The following PATJ variants were observed in gnomAD, a reference collection of about 807,000 sequenced individuals.
PATJ encodes the protein PATJ crumbs cell polarity complex component.
In PATJ, 190 loss-of-function variants were observed where a neutral mutation model predicts 224.9. The ratio of observed to expected loss-of-function variants is 0.84; its 90% CI spans 0.75 to 0.95. PATJ has a LOEUF of 0.95. PATJ is among the 40% of genes least tolerant of loss of function. The pLI is 0.00. For synonymous variants in PATJ, 769 were observed against 820.3 expected, an observed-to-expected ratio of 0.94 and a Z score of 1.07; for missense variants, 2,121 against 2,270.3, an observed-to-expected ratio of 0.93 and a Z score of 1.34.
chr1:61,878,978 G>A (rs1667729460), intron 21 of PATJ, among the ~76,000 whole-genome samples: 1 of 152,042 alleles, frequency 6.6e-6, no homozygotes, highest in South Asian at 2.1e-4. Flanking sequence ...TAGAGATGGG[G>A]TTTCACCATG....
chr1:62,152,111 A>G (rs543061403), intron 42 of PATJ, among the ~76,000 whole-genome samples: 25 of 152,308 alleles, frequency 1.6e-4, no homozygotes, highest in Admixed American at 1.6e-3. Flanking sequence ...GACAAGCACC[A>G]CACATGGTAC....
chr1:61,797,819 T>G (rs1195804259), intron 11 of PATJ, among the ~76,000 whole-genome samples: 1 of 152,222 alleles, frequency 6.6e-6, no homozygotes, highest in Non-Finnish European at 1.5e-5. Flanking sequence ...CTTTTTTTTT[T>G]TTTGAGACAG....
intron 33 of PATJ, among the ~76,000 whole-genome samples, chr1:62,093,800 G>A (rs148614917): frequency 4.5e-4 from 68 of 152,154 alleles, no homozygotes; most frequent in African/African-American, 1.6e-3. Flanking sequence ...CTTAAAATAA[G>A]TCTATATTTC....
intron 31 of PATJ, among the ~76,000 whole-genome samples, chr1:62,069,308 C>T (rs201310353): frequency 6.6e-6 from 1 of 152,148 alleles, no homozygotes; most frequent in Non-Finnish European, 1.5e-5. Flanking sequence ...AATTTAGCCT[C>T]TCTGTGCCGC....
chr1:61,908,010 T>C (rs1571228953), intron 24 of PATJ, among the ~76,000 whole-genome samples: 3 of 152,196 alleles, frequency 2.0e-5, no homozygotes, highest in African/African-American at 4.8e-5. Flanking sequence ...TAAAAGTCCA[T>C]AGATATTCCC....
intron 27 of PATJ, among the ~76,000 whole-genome samples, chr1:61,931,589 C>T (rs1174544672): frequency 6.6e-6 from 1 of 152,100 alleles, no homozygotes; most frequent in African/African-American, 2.4e-5. Flanking sequence ...CATGGCAAAA[C>T]CCATCCCTAC....
At chr1:61,825,789 A>G (rs1658145540) in intron 15 of PATJ, among the ~76,000 whole-genome samples, 1 of 152,186 alleles carries the variant, frequency 6.6e-6, no homozygotes, top group Admixed American at 6.5e-5. Flanking sequence ...AAAACCTGAA[A>G]AGTGACTTTC....
intron 41 of PATJ, among the ~76,000 whole-genome samples, chr1:62,145,105 G>T (rs1282300389): frequency 6.6e-6 from 1 of 152,018 alleles, no homozygotes; most frequent in Admixed American, 6.6e-5. Context: ...GCGAGCCACC[G>T]TGCACAGCCT....
At chr1:61,965,499 A>C (rs1018488671) in intron 27 of PATJ, among the ~76,000 whole-genome samples, 3 of 152,198 alleles carry the variant, frequency 2.0e-5, no homozygotes, top group Admixed American at 2.0e-4. Context: ...TTTAGTGAAC[A>C]AAATGGTTCT....
At chr1:62,102,635 T>A (rs1558170314) in intron 33 of PATJ, among the ~76,000 whole-genome samples, 1 of 151,958 alleles carries the variant, frequency 6.6e-6, no homozygotes, top group Non-Finnish European at 1.5e-5. Context: ...AGAGGATCAC[T>A]TCAGCCCAGA....
rs752945837 is a variant in PATJ at position 61,901,421 on chromosome 1, A to G, written c.3343A>G (p.Lys1115Glu). 2.5e-6 allele frequency: 4 copies of G among 1,585,596 alleles called. No homozygotes were observed. The African/African-American group carries it at 5.5e-5, about 22-fold the overall frequency. ...KQVLEDSPAG[K>E]TNALKTGDKI... ...AGTTTTAGAAGACAGTCCAGCAGGG[A>G]AGACGAACGCACTTAAAACTGGAGA... The change falls in exon 24 of 44, where the codon AAG becomes GAG. Residue 1115 changes from lysine (K) to glutamate (E), a missense_variant. Physicochemically the swap from Lys to Glu is moderately conservative, Grantham distance 56. Coordinates refer to ENST00000642238, the MANE Select transcript of PATJ (RefSeq NM_001350145.3).
chr1:61,820,572 C>T (rs758864052), intron 14 of PATJ, among the ~76,000 whole-genome samples: 2 of 152,192 alleles, frequency 1.3e-5, no homozygotes, highest in Non-Finnish European at 2.9e-5. Flanking sequence ...GAACTCACTA[C>T]CTCAGGTGAT....
intron 33 of PATJ, among the ~76,000 whole-genome samples, chr1:62,105,675 G>T (rs773289511): frequency 6.6e-6 from 1 of 152,030 alleles, no homozygotes; most frequent in Non-Finnish European, 1.5e-5. Flanking sequence ...TGTATTCCTG[G>T]TACAGAATCT....
At chr1:62,028,190 T>C (rs1648398663) in intron 29 of PATJ, among the ~76,000 whole-genome samples, 1 of 152,200 alleles carries the variant, frequency 6.6e-6, no homozygotes, top group Admixed American at 6.5e-5. Context: ...ATGACTTCAT[T>C]CTTTTTTTCC....
chr1:61,795,485 A>G lies in PATJ; in HGVS notation c.1187A>G (p.Tyr396Cys), dbSNP rs764573529. The G allele has an allele frequency of 6.2e-7, 1 of 1,602,386 alleles. No homozygotes were observed. The part of the protein sequence containing the change: ...TSHTGEASGI[Y>C]VKSIIPGSAA... ...CCTTAAGGGGAAGCTTCAGGGATTTATGTGAAAAGTATAATACCTGGCAGT... is the reference window on the plus strand; with the variant it reads ...CCTTAAGGGGAAGCTTCAGGGATTTGTGTGAAAAGTATAATACCTGGCAGT... The change falls in exon 10 of 44, where the codon TAT becomes TGT. Residue 396 changes from tyrosine (Y) to cysteine (C), a missense_variant. By Grantham distance (194) the Tyr-to-Cys change is radical. Coordinates refer to ENST00000642238, the MANE Select transcript of PATJ (RefSeq NM_001350145.3).
chr1:61,986,320 T>A (rs961216824), intron 27 of PATJ, among the ~76,000 whole-genome samples: 3 of 152,146 alleles, frequency 2.0e-5, no homozygotes, highest in Non-Finnish European at 4.4e-5. Context: ...ATATAGATTT[T>A]AAAATGTACC....
chr1:61,811,226 A>C (rs903407562), intron 14 of PATJ, among the ~76,000 whole-genome samples: 1 of 152,114 alleles, frequency 6.6e-6, no homozygotes, highest in South Asian at 2.1e-4. Flanking sequence ...TTGCAAGCAC[A>C]TAGTAGGCTC....
chr1:62,106,491 A>C (rs1177127362), intron 33 of PATJ, among the ~76,000 whole-genome samples: 1 of 151,826 alleles, frequency 6.6e-6, no homozygotes, highest in Non-Finnish European at 1.5e-5. Flanking sequence ...TTTTAAGTTA[A>C]AAAGCAAACA....
At position 61,961,256 on chromosome 1, in the gene PATJ, T is replaced by C. The variant is rs186349368; in HGVS notation, c.3671-28912T>C. ...ATTCCATAACAACTCCCACCCACTA[T>C]CGCAGCCTGGCACCCTTGTGCAGTG... On this transcript the variant is annotated intron_variant, in intron 27 of 43. Transcript: ENST00000642238. 2.2e-3 allele frequency among the ~76,000 whole-genome samples: 330 copies of C among 151,816 alleles called. 4 individuals carry two copies. The highest frequency in any genetic ancestry group is 0.017 in the South Asian group (83 of 4,810).
Sources: allele counts gnomAD v4.1 joint callset (sites outside exome capture counted in the v4.1 genomes callset), GRCh38; gene constraint gnomAD v4.1.1; transcripts MANE v1.5; gene names NCBI Gene and HGNC (gene_info 2026-07-23, HGNC 2026-07-21).